GORASP2: variants seen among roughly 807,000 people sequenced by gnomAD.
GORASP2 encodes the protein Golgi reassembly-stacking protein 2.
In GORASP2, 22 loss-of-function variants were observed where a neutral mutation model predicts 45.7. The observed-to-expected ratio is 0.48, with a 90% confidence interval of 0.34 to 0.69. The LOEUF (loss-of-function observed/expected upper bound fraction) is 0.69. Among genes scored for constraint, GORASP2 ranks in the 30% least tolerant of loss-of-function variants. The probability of loss-of-function intolerance (pLI) is 0.01; values close to 1 mark genes in which losing one functional copy is unlikely to be tolerated. For missense variants in GORASP2, 491 were observed against 562.7 expected, an observed-to-expected ratio of 0.87 and a Z score of 1.29; for synonymous variants, 221 against 215.6, an observed-to-expected ratio of 1.02 and a Z score of -0.22.
chr2:170,957,502 C>G (rs1015135878), intron 7 of GORASP2, among the ~76,000 whole-genome samples: 1 of 152,224 alleles, frequency 6.6e-6, no homozygotes, highest in Non-Finnish European at 1.5e-5. Flanking sequence ...TCTTGAACTC[C>G]TGACCTCAGG....
At chr2:170,928,498 C>G (rs1482526863), upstream of GORASP2, 1 of 152,312 alleles carries the variant, frequency 6.6e-6, no homozygotes, top group Non-Finnish European at 1.5e-5. Context: ...ACGTAAGGGG[C>G]AAAAGCAGCA....
At chr2:170,950,472 G>C in intron 4 of GORASP2, among the ~76,000 whole-genome samples, 182 bp downstream of exon 4, 1 of 152,212 alleles carries the variant, frequency 6.6e-6, no homozygotes. Context: ...AGGTATAGCT[G>C]TGAGGAAAAA....
chr2:170,948,409 T>C lies in GORASP2; in HGVS notation c.123T>C (p.Val41=). 1 of 1,577,304 alleles carries C rather than the reference T, an allele frequency of 6.3e-7. No homozygotes were observed. The highest frequency in any genetic ancestry group is 8.7e-7 in the Non-Finnish European group (1 of 1,147,724). The change falls in exon 2 of 10, where the codon GTT becomes GTC. Residue 41 remains valine (V), a synonymous_variant. Coordinates refer to ENST00000234160, the MANE Select transcript of GORASP2 (RefSeq NM_015530.5). ...TGGAGCCTTTCTTTGATTTTATTGT[T>C]TCTATTAATGGTTCAAGATTAGTAA... ...AGLEPFFDFI[V]SINGSRLNKD... is the part of the protein sequence containing the mutation.
intron 1 of GORASP2, among the ~76,000 whole-genome samples, chr2:170,939,140 C>T (rs952519451): frequency 1.3e-5 from 2 of 152,204 alleles, no homozygotes; most frequent in African/African-American, 2.4e-5. Flanking sequence ...TCTTTTAGAG[C>T]AAACTTCAAT....
At chr2:170,963,494 C>T (rs1193520244) in intron 9 of GORASP2, among the ~76,000 whole-genome samples, 2 of 128,646 alleles carry the variant, frequency 1.6e-5, no homozygotes, top group Admixed American at 8.0e-5. Flanking sequence ...CTCCCGCCCC[C>T]CTCCCCCGCC....
chr2:170,943,285 G>GTTTTATT (rs1194023667), intron 1 of GORASP2, among the ~76,000 whole-genome samples: 17 of 152,146 alleles, frequency 1.1e-4, no homozygotes, highest in Non-Finnish European at 1.8e-4. Flanking sequence ...CACTTTACAA[G>GTTTTATT]TTTTATTTTT....
At chr2:170,938,497 A>G (rs1289241941) in intron 1 of GORASP2, among the ~76,000 whole-genome samples, 1 of 152,210 alleles carries the variant, frequency 6.6e-6, no homozygotes, top group Non-Finnish European at 1.5e-5. Flanking sequence ...TTTAATTTTA[A>G]ACGGGGAGTG....
chr2:170,939,125 T>C (rs1704018401), intron 1 of GORASP2, among the ~76,000 whole-genome samples: 1 of 152,266 alleles, frequency 6.6e-6, no homozygotes, highest in Non-Finnish European at 1.5e-5. Context: ...GTCAGAGTTT[T>C]TGCTTCTTTT....
At chr2:170,954,900 T>C in intron 6 of GORASP2, 118 bp downstream of exon 6, 2 of 711,276 alleles carry the variant, frequency 2.8e-6, no homozygotes, top group Non-Finnish European at 4.6e-6. Context: ...GAGTTAAGTA[T>C]TGATTGTGTT....
intron 1 of GORASP2, 102 bp downstream of exon 1, chr2:170,929,505 G>C (rs1454875891): frequency 1.0e-6 from 1 of 984,634 alleles, no homozygotes; most frequent in South Asian, 2.2e-5. Context: ...AGCCAGGCCC[G>C]ATCCCGCGAA....
At chr2:170,947,318 G>A (rs192074729) in intron 1 of GORASP2, among the ~76,000 whole-genome samples, 41 of 152,298 alleles carry the variant, frequency 2.7e-4, no homozygotes, top group Non-Finnish European at 5.7e-4. Flanking sequence ...AGCTACGCAT[G>A]CTGTGATCCT....
chr2:170,953,365 A>G (rs1287484465), intron 5 of GORASP2, among the ~76,000 whole-genome samples: 1 of 151,938 alleles, frequency 6.6e-6, no homozygotes, highest in Non-Finnish European at 1.5e-5. Flanking sequence ...TAATAAATAA[A>G]TAAATAAATA....
In GORASP2 at chr2:170,961,302, G is replaced by A. The variant is rs138675155; in HGVS notation, c.824-361G>A. On this transcript the variant is annotated intron_variant, in intron 7 of 9. Transcript: ENST00000234160. ...TGGCTTACGTGGCATCTTAGTTTAGGAGCCCAGTTGAGATTGACTAGAATC... is the reference window on the plus strand; with the variant it reads ...TGGCTTACGTGGCATCTTAGTTTAGAAGCCCAGTTGAGATTGACTAGAATC... 2.6e-5 allele frequency among the ~76,000 whole-genome samples: 4 copies of A among 152,318 alleles called. No homozygotes were observed. In the East Asian group the frequency reaches 7.7e-4, roughly 29 times the overall value.
chr2:170,963,432 A>ACTGCTG (rs1186217335), intron 9 of GORASP2, among the ~76,000 whole-genome samples: 1 of 133,836 alleles, frequency 7.5e-6, no homozygotes, highest in East Asian at 2.3e-4. Flanking sequence ...CCCCGCTGCT[A>ACTGCTG]CTGCTGCTGC....
In GORASP2 at chr2:170,956,577, TTC is replaced by T. The variant is rs780308173; in HGVS notation, c.823+20_823+21del. The stretch of plus-strand genomic sequence containing the variant: ...CAGTACAGGTGTGCAGAAAAATATA[TTC>T]TGTTTTCAGTCTATTTTATGTAATA... On this transcript the variant is annotated intron_variant, in intron 7 of 9. Transcript: ENST00000234160. The T allele has an allele frequency of 5.0e-5, 79 of 1,588,930 alleles. 1 individual carries two copies. The African/African-American group carries it at 1.0e-3, about 20-fold the overall frequency.
At chr2:170,946,369 GA>G (rs758623304) in intron 1 of GORASP2, among the ~76,000 whole-genome samples, 1 of 151,462 alleles carries the variant, frequency 6.6e-6, no homozygotes, top group Non-Finnish European at 1.5e-5. Context: ...AAATATTTTG[GA>G]AAAAAAATGT....
chr2:170,930,161 C>T (rs1260333734), intron 1 of GORASP2, among the ~76,000 whole-genome samples: 1 of 152,162 alleles, frequency 6.6e-6, no homozygotes, highest in Non-Finnish European at 1.5e-5. Flanking sequence ...TAAAGGAAAA[C>T]AACCCTAGCT....
chr2:170,964,287 T>G (rs1370508873), intron 9 of GORASP2, among the ~76,000 whole-genome samples: 1 of 152,206 alleles, frequency 6.6e-6, no homozygotes, highest in East Asian at 1.9e-4. Flanking sequence ...TAGATGATAA[T>G]TGTCCCTCTT....
At chr2:170,958,881 G>A (rs900872240) in intron 7 of GORASP2, among the ~76,000 whole-genome samples, 6 of 152,266 alleles carry the variant, frequency 3.9e-5, no homozygotes, top group African/African-American at 1.4e-4. Flanking sequence ...TGTTGGCCAG[G>A]CTGGTCTCAA....
Sources: allele counts gnomAD v4.1 joint callset (sites outside exome capture counted in the v4.1 genomes callset), GRCh38; gene constraint gnomAD v4.1.1; transcripts MANE v1.5; gene names NCBI Gene and HGNC (gene_info 2026-07-23, HGNC 2026-07-21).